The following DRC11L variants were observed in gnomAD, a reference collection of about 807,000 sequenced individuals.
DRC11L encodes the protein dynein regulatory complex subunit like-11.
the DRC11L span, chr7:151,198,806 G>A: frequency 1.0e-5 from 4 of 398,990 alleles, no homozygotes; most frequent in Non-Finnish European, 1.8e-5. Context: ...ACTGGCACTC[G>A]ATAAACCACT....
chr7:151,193,139 C>T, the DRC11L span: 11 of 397,858 alleles, frequency 2.8e-5, no homozygotes, highest in South Asian at 1.4e-3. Flanking sequence ...CAGGGGGAAC[C>T]CAAGCTCCTA....
At chr7:151,195,745 G>T in the DRC11L span, 1 of 398,550 alleles carries the variant, frequency 2.5e-6, no homozygotes, top group Non-Finnish European at 4.4e-6. Flanking sequence ...ATGGGAAGGA[G>T]GGGAGGAGCC....
the DRC11L span, chr7:151,190,954 T>A: frequency 2.5e-6 from 1 of 399,984 alleles, no homozygotes; most frequent in Non-Finnish European, 4.4e-6. Context: ...ACGCCACTAA[T>A]CTCAGGTGCC....
the DRC11L span, among the ~76,000 whole-genome samples, chr7:151,198,492 T>C: frequency 2.0e-5 from 3 of 152,018 alleles, no homozygotes; most frequent in Non-Finnish European, 4.4e-5. Context: ...GAGAAATGGA[T>C]TGTTACAAAC....
chr7:151,194,541 C>T, the DRC11L span: 2 of 399,420 alleles, frequency 5.0e-6, no homozygotes, highest in Non-Finnish European at 8.8e-6. Context: ...ATGCTACTGA[C>T]TCACTCTTCC....
chr7:151,200,803 C>T, the DRC11L span, among the ~76,000 whole-genome samples: 1 of 152,236 alleles, frequency 6.6e-6, no homozygotes. Flanking sequence ...GGAATAAATA[C>T]TTGATTCCAC....
At chr7:151,200,458 G>A in the DRC11L span, 1 of 399,298 alleles carries the variant, frequency 2.5e-6, no homozygotes, top group Non-Finnish European at 4.4e-6. Context: ...TCCACACCTG[G>A]CGGAGGGATG....
At chr7:151,200,423 G>A in the DRC11L span, 3 of 399,128 alleles carry the variant, frequency 7.5e-6, no homozygotes, top group Non-Finnish European at 1.3e-5. Flanking sequence ...GTCCTGCTGA[G>A]TGCGTTTCCT....
the DRC11L span, among the ~76,000 whole-genome samples, chr7:151,202,035 C>T: frequency 6.6e-5 from 10 of 152,204 alleles, no homozygotes; most frequent in East Asian, 7.7e-4. Flanking sequence ...GCAAAGGAGA[C>T]GTGTGAGAAC....
chr7:151,203,949 C>T, the DRC11L span, among the ~76,000 whole-genome samples: 13 of 152,180 alleles, frequency 8.5e-5, no homozygotes, highest in East Asian at 1.9e-4. Flanking sequence ...AACCCTGAGC[C>T]GGACTGGAGG....
At chr7:151,196,871 A>G in the DRC11L span, 1 of 398,816 alleles carries the variant, frequency 2.5e-6, no homozygotes, top group African/African-American at 2.1e-5. Flanking sequence ...CTACACACCC[A>G]CACTGCCACT....
chr7:151,195,746 G>C, the DRC11L span: 76 of 398,492 alleles, frequency 1.9e-4, no homozygotes, highest in Middle Eastern at 1.3e-3. Context: ...TGGGAAGGAG[G>C]GGAGGAGCCT....
At chr7:151,193,457 A>G in the DRC11L span, 1 of 399,316 alleles carries the variant, frequency 2.5e-6, no homozygotes. Context: ...GATGGAGCGG[A>G]TGAGTGGGGC....
the DRC11L span, chr7:151,192,659 G>A: frequency 2.5e-6 from 1 of 398,954 alleles, no homozygotes; most frequent in African/African-American, 2.1e-5. Context: ...GGGGTTTGGA[G>A]CGACTGGAAC....
At chr7:151,195,086 G>T in the DRC11L span, among the ~76,000 whole-genome samples, 1 of 152,194 alleles carries the variant, frequency 6.6e-6, no homozygotes, top group South Asian at 2.1e-4. Flanking sequence ...TCTCAGAGTG[G>T]GAAGTCCAGG....
At chr7:151,200,059 C>T in the DRC11L span, among the ~76,000 whole-genome samples, 4 of 152,174 alleles carry the variant, frequency 2.6e-5, no homozygotes, top group Non-Finnish European at 5.9e-5. Flanking sequence ...GGCTTTATAG[C>T]CTCCTCCCTC....
At chr7:151,196,703 T>C in the DRC11L span, 566 of 397,954 alleles carry the variant, frequency 1.4e-3, 3 homozygotes, top group Non-Finnish European at 1.2e-3. Flanking sequence ...GCTGGTTGCC[T>C]TGTCCCCACC....
At chr7:151,199,072 C>G in the DRC11L span, 4 of 398,390 alleles carry the variant, frequency 1.0e-5, no homozygotes, top group Non-Finnish European at 1.8e-5. The surrounding 1 kb of genome is among the most constrained non-coding windows in gnomAD (Gnocchi z 5.2). Flanking sequence ...TGGATGCAGC[C>G]CCCAGCCTCG....
the DRC11L span, chr7:151,192,411 G>A: frequency 2.0e-5 from 8 of 399,472 alleles, no homozygotes; most frequent in Admixed American, 8.8e-5. Flanking sequence ...GTCAGCAGCC[G>A]CAAGGCCTTG....
Sources: allele counts gnomAD v4.1 joint callset (sites outside exome capture counted in the v4.1 genomes callset), GRCh38; gene constraint gnomAD v4.1.1; non-coding constraint Gnocchi (gnomAD v3.1); transcripts MANE v1.5; gene names NCBI Gene and HGNC (gene_info 2026-07-23, HGNC 2026-07-21).